Variants in ABCC8 observed in about 807,000 individuals in gnomAD.
ABCC8 encodes the protein ATP-binding cassette sub-family C member 8.
In ABCC8, 137 loss-of-function variants were observed where a neutral mutation model predicts 188.0. The observed-to-expected ratio is 0.73, with a 90% CI of 0.63 to 0.84. ABCC8 has a LOEUF of 0.84. Among genes scored for constraint, ABCC8 ranks in the 40% least tolerant of loss-of-function variants. The probability of loss-of-function intolerance (pLI) is 0.00; values close to 1 mark genes in which losing one functional copy is unlikely to be tolerated. For missense variants in ABCC8, 1,750 were observed against 2,072.7 expected (o/e 0.84, Z 3.02); for synonymous variants, 797 against 846.5 (o/e 0.94, Z 1.01).
In ABCC8 at chr11:17,453,220, C is replaced by G. The variant is rs1416341906; in HGVS notation, c.1075G>C (p.Ala359Pro). Residue 359 changes from alanine (A) to proline (P), a missense_variant, in exon 7 of 39, where the codon GCT becomes CCT. Physicochemically the swap from Ala to Pro is conservative, Grantham distance 27. Transcript: ENST00000389817. ...QEFLANAYVLAVLLFLALLLQ... is the reference protein window; with the variant it reads ...QEFLANAYVLPVLLFLALLLQ... ...AGGAGGGCAAGGAACAGAAGCACAG[C>G]TAAGACGTAGGCATTGGCAAGGAAC... The G allele has an allele frequency of 5.6e-6, 9 of 1,614,038 alleles. No individual in the cohort carries two copies. Among genetic ancestry groups the G allele is most frequent in the African/African-American group, 1.3e-5 (1 of 74,908 alleles).
rs541810250 is a variant in ABCC8 at position 17,404,676 on chromosome 11, G to C, written c.3400-7C>G. 15 of 1,601,650 alleles carry C rather than the reference G, an allele frequency of 9.4e-6. No homozygotes were observed. The African/African-American group carries it at 1.1e-4, about 11-fold the overall frequency. ...CCAGCGTGGATGGGATGTGCTGAGG[G>C]AGACGAGGGGGAGAGAGTGAGGTGA... On this transcript the variant is annotated splice_polypyrimidine_tract_variant and splice_region_variant and intron_variant, in intron 27 of 38. Coordinates refer to ENST00000389817, the MANE Select transcript of ABCC8 (RefSeq NM_000352.6). The surrounding 1 kb of genome is among the most constrained non-coding windows in gnomAD (Gnocchi z 4.7).
intron 3 of ABCC8, among the ~76,000 whole-genome samples, chr11:17,467,046 A>ACACACACC (rs1319389190): frequency 1.4e-5 from 2 of 141,470 alleles, no homozygotes; most frequent in African/African-American, 5.9e-5. Context: ...GTTAAACCAC[A>ACACACACC]CACACACACA....
At chr11:17,400,342 T>C (rs1037640072) in intron 29 of ABCC8, among the ~76,000 whole-genome samples, 1 of 152,068 alleles carries the variant, frequency 6.6e-6, no homozygotes, top group Admixed American at 6.6e-5. Flanking sequence ...ATGTGCGTGT[T>C]ATAGGAGTGT....
chr11:17,450,429 G>C (rs1445618685), intron 7 of ABCC8, among the ~76,000 whole-genome samples: 1 of 112,738 alleles, frequency 8.9e-6, no homozygotes, highest in Non-Finnish European at 1.7e-5. Flanking sequence ...GAGTCTTGCT[G>C]TGTCGCCCAG....
chr11:17,412,624 G>A, intron 21 of ABCC8, 42 bp downstream of exon 21: 8 of 1,590,528 alleles, frequency 5.0e-6, no homozygotes, highest in Non-Finnish European at 6.8e-6. Flanking sequence ...TTAGGCCTGG[G>A]AGGCAGCCAG....
At chr11:17,395,326 C>G (rs1232567052) in intron 35 of ABCC8, 51 bp from the exon 36 acceptor site, 5 of 1,552,208 alleles carry the variant, frequency 3.2e-6, no homozygotes, top group Non-Finnish European at 2.6e-6. Context: ...GTCCTGCCTG[C>G]ATCCCCAGGC....
chr11:17,409,148 G>A lies in ABCC8; in HGVS notation c.2695-631C>T, dbSNP rs534289126. Among the ~76,000 whole-genome samples the A allele has an allele frequency of 4.0e-5, 6 of 149,858 alleles. No individual in the cohort carries two copies. The South Asian group carries it at 1.3e-3, about 31-fold the overall frequency. On this transcript the variant is annotated intron_variant, in intron 22 of 38. Transcript: ENST00000389817. ...TTTTTTTTTTTTTTATAGAGATAGG[G>A]TTTCACCATGTTGCCCCAAGCTGGT...
chr11:17,395,394 C>T (rs780750838), intron 35 of ABCC8, 119 bp from the exon 36 acceptor site: 103 of 1,531,512 alleles, frequency 6.7e-5, no homozygotes, highest in African/African-American at 8.2e-5. Context: ...GGGAGAAGCA[C>T]CGAGGTGGTG....
intron 37 of ABCC8, among the ~76,000 whole-genome samples, chr11:17,394,045 G>A (rs1953771451): frequency 6.6e-6 from 1 of 152,170 alleles, no homozygotes; most frequent in South Asian, 2.1e-4. Context: ...TGCAGCTTAT[G>A]TGTGTGTTTG....
Position 17,395,678 on chromosome 11 carries a change from C to T in ABCC8, c.4239G>A (p.Pro1413=), listed in dbSNP as rs373478721. Residue 1413 remains proline (P), a synonymous_variant, in exon 35 of 39, where the codon CCG becomes CCA. Coordinates refer to ENST00000389817, the MANE Select transcript of ABCC8 (RefSeq NM_000352.6). ...IIDGIDIAKL[P]LHTLRSRLSI... ...AGAGGCGTGAGCGCAGGGTGTGCAG[C>T]GGCAGTTTGGCGATGTCAATGCCAT... The T allele has an allele frequency of 5.5e-5, 86 of 1,560,506 alleles. No individual in the cohort carries two copies. The highest frequency in any genetic ancestry group is 3.2e-4 in the South Asian group (27 of 84,620).
chr11:17,419,066 A>G (rs1177009621), intron 16 of ABCC8, among the ~76,000 whole-genome samples: 1 of 152,150 alleles, frequency 6.6e-6, no homozygotes, highest in Non-Finnish European at 1.5e-5. Flanking sequence ...GGAAGAGGGG[A>G]AGCTGGGGTG....
In ABCC8 at chr11:17,451,953, C is replaced by T. The variant is rs142745780; in HGVS notation, c.1176+1166G>A. On this transcript the variant is annotated intron_variant, in intron 7 of 38. Transcript: ENST00000389817. ...TGTAAATATAGTGGCAGTTTCAATA[C>T]CCACCATGGCTATGGAGACAAAAGT... 3.7e-3 allele frequency among the ~76,000 whole-genome samples: 570 copies of T among 152,320 alleles called. 3 individuals carry two copies. The Middle Eastern group carries it at 0.048, about 13-fold the overall frequency.
At position 17,470,716 on chromosome 11, in the gene ABCC8, T is replaced by C. The variant is rs185493881; in HGVS notation, c.291-494A>G. 2.5e-3 allele frequency among the ~76,000 whole-genome samples: 385 copies of C among 152,248 alleles called. 2 individuals carry two copies. The highest frequency in any genetic ancestry group is 7.2e-3 in the African/African-American group (301 of 41,542). ...ACTCTTAGTCTCCCATTTTATGGGGTGAGGAAACTGAGGCACGAAGAGGCA... is the reference window on the plus strand; with the variant it reads ...ACTCTTAGTCTCCCATTTTATGGGGCGAGGAAACTGAGGCACGAAGAGGCA... On this transcript the variant is annotated intron_variant, in intron 2 of 38. Transcript: ENST00000389817.
chr11:17,435,782 G>T, intron 10 of ABCC8: 1 of 1,324,816 alleles, frequency 7.5e-7, no homozygotes, highest in Non-Finnish European at 1.1e-6. Context: ...CACATCAAGT[G>T]TCAGACCCCA....
intron 22 of ABCC8, among the ~76,000 whole-genome samples, chr11:17,409,451 T>A (rs868290989): frequency 3.9e-5 from 6 of 152,220 alleles, no homozygotes; most frequent in African/African-American, 1.4e-4. Flanking sequence ...CTACAAGGTA[T>A]TGCCAAGGTC....
intron 8 of ABCC8, among the ~76,000 whole-genome samples, chr11:17,447,403 A>C (rs1484102660): frequency 6.6e-6 from 1 of 151,882 alleles, no homozygotes; most frequent in Non-Finnish European, 1.5e-5. Context: ...GTCTTGCTTT[A>C]AAAAAATACC....
At position 17,413,478 on chromosome 11, in the gene ABCC8, C is replaced by A; in HGVS notation, c.2391G>T (p.Arg797=). 2.5e-6 allele frequency: 4 copies of A among 1,613,786 alleles called. No homozygotes were observed. Among genetic ancestry groups the A allele is most frequent in the Non-Finnish European group, 3.4e-6 (4 of 1,180,022 alleles). Residue 797 remains arginine, a splice_region_variant and synonymous_variant, in exon 20 of 39, where the codon CGG becomes CGT. Transcript: ENST00000389817. ...AGCAGGCTTCAATGACCATCTTGTA[C>A]CTGGCGTGGGTAGAGGCAGGGGATG... ...IIFESPFNKQ[R]YKMVIEACSL... is the part of the protein sequence containing the mutation.
At chr11:17,440,672 C>T (rs1331073611) in intron 10 of ABCC8, among the ~76,000 whole-genome samples, 9 of 152,256 alleles carry the variant, frequency 5.9e-5, no homozygotes, top group South Asian at 4.1e-4. Context: ...CCATGGCTTG[C>T]ACCATGTATG....
At chr11:17,430,631 T>C in intron 12 of ABCC8, 183 bp downstream of exon 12, 1 of 748,614 alleles carries the variant, frequency 1.3e-6, no homozygotes, top group South Asian at 1.5e-5. Flanking sequence ...TGCTCAGGGA[T>C]GGCGAGCTGG....
Sources: gnomAD v4.1 joint callset for allele counts (sites outside exome capture counted in the v4.1 genomes callset) on GRCh38, gnomAD v4.1.1 for gene constraint, Gnocchi (gnomAD v3.1) non-coding constraint, MANE v1.5 for transcripts, NCBI Gene and HGNC (gene_info 2026-07-23, HGNC 2026-07-21) for gene names.